The following ZNF677 variants were observed in gnomAD, a reference collection of about 807,000 sequenced individuals.
The protein encoded by ZNF677 is hypothetical protein MGC48625.
A neutral mutation model predicts 8.1 loss-of-function variants in ZNF677; 5 were observed. The ratio of observed to expected loss-of-function variants is 0.62; its 90% CI spans 0.32 to 1.29. ZNF677 has a LOEUF of 1.29. Ranked by LOEUF, ZNF677 falls within the 50% of genes most tolerant of loss-of-function variation. The pLI, the probability that ZNF677 is intolerant of heterozygous loss-of-function variation, is 0.05. For missense variants in ZNF677, 685 were observed against 685.9 expected (o/e 1.00, Z 0.01); for synonymous variants, 221 against 225.6 (o/e 0.98, Z 0.18).
At chr19:53,252,912 A>G (rs1471951918) in intron 2 of ZNF677, among the ~76,000 whole-genome samples, 174 bp downstream of exon 2, 1 of 152,224 alleles carries the variant, frequency 6.6e-6, no homozygotes, top group Non-Finnish European at 1.5e-5. Context: ...TGATTTCCCA[A>G]AAACTTAACT....
chr19:53,244,254 T>C (rs138209272), intron 3 of ZNF677, among the ~76,000 whole-genome samples: 137 of 152,230 alleles, frequency 9.0e-4, no homozygotes, highest in African/African-American at 3.1e-3. Context: ...TCCCAGCTAC[T>C]CAGAAGGCTG....
intron 3 of ZNF677, among the ~76,000 whole-genome samples, chr19:53,246,487 T>TACACACACACAC (rs60644090): frequency 3.6e-5 from 5 of 140,356 alleles, no homozygotes; most frequent in East Asian, 2.1e-4. Flanking sequence ...AAAGAAAATG[T>TACACACACACAC]ACACACACAC....
rs1309589477 is a variant in ZNF677, at chr19:53,235,637, C to A, written c.*1335G>T. ...CTTTCAAGAGAGGGTGACTATCATT[C>A]CCCCTCCATTTCTTTCTACCACATA... On this transcript the variant is annotated 3_prime_UTR_variant, in exon 5 of 5. Coordinates refer to ENST00000598513, the MANE Select transcript of ZNF677 (RefSeq NM_182609.4). 3 of 152,086 alleles carry A rather than the reference C, an allele frequency of 2.0e-5. No individual in the cohort carries two copies. Among genetic ancestry groups the A allele is most frequent in the Non-Finnish European group, 4.4e-5 (3 of 68,006 alleles). The allele number at this position is 152,086 out of a possible 1,614,324, so 9.4% of individuals were successfully genotyped here. A position where few individuals can be genotyped will look rare whatever the true frequency, so the allele number is the denominator to read the frequency against.
At chr19:53,254,783 G>A (rs2091290035) in intron 1 of ZNF677, 51 bp downstream of exon 1, 1 of 152,640 alleles carries the variant, frequency 6.6e-6, no homozygotes, top group South Asian at 2.1e-4. Flanking sequence ...CGGAGCGTGG[G>A]AACCTGTGGC....
At chr19:53,241,907 A>G in intron 4 of ZNF677, 1 of 397,076 alleles carries the variant, frequency 2.5e-6, no homozygotes, top group Non-Finnish European at 4.4e-6. Flanking sequence ...GAAATTTCAG[A>G]CTCTAGGAAT....
In ZNF677 at chr19:53,237,406, T is replaced by G; in HGVS notation, c.1321A>C (p.Ile441Leu). Residue 441 changes from isoleucine to leucine, a missense_variant, in exon 5 of 5, where the codon ATC (isoleucine) becomes CTC (leucine). Physicochemically the swap from Ile to Leu is conservative, Grantham distance 5 (BLOSUM62 2). Coordinates refer to ENST00000598513, the MANE Select transcript of ZNF677 (RefSeq NM_182609.4). Reference protein sequence around the residue: ...HKCNVCGRAFIQSSSLVEHQR... With the variant: ...HKCNVCGRAFLQSSSLVEHQR... ...TGTTCCACAAGACTTGAACTTTGGATAAAAGCCCTGCCACACACATTACAT... is the reference window on the plus strand; with the variant it reads ...TGTTCCACAAGACTTGAACTTTGGAGAAAAGCCCTGCCACACACATTACAT... 6.2e-7 allele frequency: 1 copy of G among 1,614,076 alleles called. No homozygotes were observed. The highest frequency in any genetic ancestry group is 8.5e-7 in the Non-Finnish European group (1 of 1,180,000).
intron 4 of ZNF677, chr19:53,243,532 T>C (rs1443699938): frequency 3.3e-6 from 2 of 612,202 alleles, no homozygotes; most frequent in East Asian, 2.9e-5. Context: ...GTACTGATAT[T>C]CTGGAACCAC....
At chr19:53,243,974 T>C in intron 3 of ZNF677, 77 bp from the exon 4 acceptor site, 1 of 1,388,014 alleles carries the variant, frequency 7.2e-7, no homozygotes, top group Non-Finnish European at 9.8e-7. Flanking sequence ...AAAAGAGGTG[T>C]ACATATTCAC....
intron 4 of ZNF677, chr19:53,239,653 G>A (rs563884037): frequency 1.4e-5 from 2 of 147,278 alleles, no homozygotes. Context: ...TGAAGGCAAA[G>A]GTCAATCTCA....
chr19:53,252,168 G>A (rs1277662563), intron 2 of ZNF677, among the ~76,000 whole-genome samples: 1 of 152,244 alleles, frequency 6.6e-6, no homozygotes, highest in South Asian at 2.1e-4. Context: ...CCTATGCCCC[G>A]ACCCCTTTCC....
At chr19:53,245,600 C>T (rs1202336970) in intron 3 of ZNF677, among the ~76,000 whole-genome samples, 1 of 151,890 alleles carries the variant, frequency 6.6e-6, no homozygotes, top group Non-Finnish European at 1.5e-5. Context: ...TTAGGATGAC[C>T]ACTAAAGAAA....
intron 4 of ZNF677, chr19:53,241,924 TTTTC>T (rs1430253368): frequency 1.9e-5 from 7 of 373,746 alleles, no homozygotes; most frequent in South Asian, 1.5e-4. Flanking sequence ...GAATGTGTAC[TTTTC>T]TTTTTCTTTT....
intron 4 of ZNF677, chr19:53,242,276 G>A: frequency 2.5e-6 from 1 of 398,588 alleles, no homozygotes; most frequent in Non-Finnish European, 4.4e-6. Context: ...AATCTTAGAA[G>A]AATATGGAAT....
At chr19:53,250,680 G>A (rs1452086570) in intron 3 of ZNF677, among the ~76,000 whole-genome samples, 1 of 152,198 alleles carries the variant, frequency 6.6e-6, no homozygotes, top group Non-Finnish European at 1.5e-5. Context: ...GGGATGGAGG[G>A]TGGGAGGAGG....
intron 3 of ZNF677, among the ~76,000 whole-genome samples, chr19:53,246,771 A>T (rs2091149941): frequency 6.6e-6 from 1 of 152,192 alleles, no homozygotes; most frequent in Non-Finnish European, 1.5e-5. Context: ...GTTACACAAG[A>T]TGAAAAAGTC....
chr19:53,254,697 C>G (rs1362729504), intron 1 of ZNF677, 137 bp downstream of exon 1: 2 of 152,492 alleles, frequency 1.3e-5, no homozygotes, highest in Admixed American at 6.5e-5. Context: ...GGACTGGGAA[C>G]GTCTTAGGGC....
chr19:53,251,960 G>A (rs557784076), intron 2 of ZNF677, among the ~76,000 whole-genome samples: 2 of 152,302 alleles, frequency 1.3e-5, no homozygotes, highest in South Asian at 4.1e-4. Context: ...ATTGGAACAG[G>A]TGAAGAGCCA....
At chr19:53,245,318 A>C (rs529141706) in intron 3 of ZNF677, among the ~76,000 whole-genome samples, 1 of 152,342 alleles carries the variant, frequency 6.6e-6, no homozygotes, top group South Asian at 2.1e-4. Context: ...TACCAAAAGA[A>C]ACAACCAACA....
intron 3 of ZNF677, among the ~76,000 whole-genome samples, chr19:53,251,080 C>T (rs1483619024): frequency 6.6e-6 from 1 of 152,186 alleles, no homozygotes; most frequent in Non-Finnish European, 1.5e-5. Flanking sequence ...AATTGTTTAG[C>T]TACAAATGTA....
Sources: allele counts gnomAD v4.1 joint callset (sites outside exome capture counted in the v4.1 genomes callset), GRCh38; gene constraint gnomAD v4.1.1; transcripts MANE v1.5; gene names NCBI Gene and HGNC (gene_info 2026-07-23, HGNC 2026-07-21).